UBE3D: variants seen among roughly 807,000 people sequenced by gnomAD.
The protein encoded by UBE3D is ubiquitin protein ligase E3D.
UBE3D carries 48 observed loss-of-function variants against 49.6 expected under a neutral mutation model. That is an observed-to-expected ratio of 0.97 (90% CI 0.77 to 1.23). The LOEUF is 1.23. UBE3D is among the 50% of genes most tolerant of loss of function. The probability of loss-of-function intolerance (pLI) is 0.00; values close to 1 mark genes in which losing one functional copy is unlikely to be tolerated. For synonymous variants in UBE3D, 189 were observed against 174.2 expected (o/e 1.08, Z -0.67); for missense variants, 452 against 468.4 (o/e 0.96, Z 0.32).
At chr6:82,909,068 G>A (rs1385222946) in intron 9 of UBE3D, among the ~76,000 whole-genome samples, 1 of 152,152 alleles carries the variant, frequency 6.6e-6, no homozygotes, top group Non-Finnish European at 1.5e-5. Context: ...TGTGCAGGTG[G>A]GTGAGGACTT....
chr6:82,969,233 G>C (rs1283419645), intron 8 of UBE3D, among the ~76,000 whole-genome samples: 1 of 143,952 alleles, frequency 6.9e-6, no homozygotes, highest in Non-Finnish European at 1.5e-5. Flanking sequence ...GGGTGGGGGT[G>C]GGGGTGGGGT....
At chr6:82,950,145 T>A (rs770245531) in intron 9 of UBE3D, among the ~76,000 whole-genome samples, 10 of 152,118 alleles carry the variant, frequency 6.6e-5, no homozygotes, top group African/African-American at 2.4e-4. Context: ...AGAATACATA[T>A]GGAGCTCAAA....
chr6:82,970,048 G>A (rs999260898), intron 8 of UBE3D, among the ~76,000 whole-genome samples: 2 of 148,788 alleles, frequency 1.3e-5, no homozygotes, highest in Non-Finnish European at 3.0e-5. Context: ...TTTACTCATA[G>A]TCATATAATA....
intron 5 of UBE3D, chr6:83,032,401 C>T: frequency 5.2e-6 from 2 of 385,774 alleles, no homozygotes; most frequent in Non-Finnish European, 5.2e-6. Context: ...CCTTTAGCCC[C>T]TTTGATTTGG....
intron 9 of UBE3D, among the ~76,000 whole-genome samples, chr6:82,949,784 A>G (rs779660263): frequency 2.0e-5 from 3 of 152,204 alleles, no homozygotes; most frequent in African/African-American, 4.8e-5. Context: ...TCTTCAATAA[A>G]TGGTTCTGAG....
intron 9 of UBE3D, among the ~76,000 whole-genome samples, chr6:82,954,093 G>A (rs1330486299): frequency 3.9e-5 from 6 of 152,202 alleles, no homozygotes; most frequent in Non-Finnish European, 8.8e-5. Flanking sequence ...AAGGGAGGCA[G>A]GGCCAAGATG....
chr6:82,989,127 G>A (rs966686677), intron 8 of UBE3D, among the ~76,000 whole-genome samples: 2 of 152,100 alleles, frequency 1.3e-5, no homozygotes, highest in African/African-American at 4.8e-5. Flanking sequence ...GACAAATACA[G>A]AGGAAGCAAG....
At chr6:83,047,810 C>T (rs1048892982) in intron 3 of UBE3D, among the ~76,000 whole-genome samples, 1 of 152,028 alleles carries the variant, frequency 6.6e-6, no homozygotes, top group Non-Finnish European at 1.5e-5. Flanking sequence ...AAGCCGGGCT[C>T]GGTGGCTCAT....
chr6:82,941,695 G>T (rs1289986417), intron 9 of UBE3D, among the ~76,000 whole-genome samples: 1 of 152,144 alleles, frequency 6.6e-6, no homozygotes. Flanking sequence ...GGATCATGGG[G>T]GCAGCTTCCC....
At chr6:82,990,241 A>C (rs1158727624) in intron 8 of UBE3D, among the ~76,000 whole-genome samples, 2 of 152,170 alleles carry the variant, frequency 1.3e-5, no homozygotes, top group African/African-American at 4.8e-5. Context: ...ACAGGAAAAA[A>C]TTAAACTGAA....
At chr6:82,944,947 G>T (rs1775293785) in intron 9 of UBE3D, among the ~76,000 whole-genome samples, 1 of 152,206 alleles carries the variant, frequency 6.6e-6, no homozygotes, top group Non-Finnish European at 1.5e-5. Flanking sequence ...AGCCACATTA[G>T]AATAGAATGC....
At chr6:82,915,454 A>T (rs1392117733) in intron 9 of UBE3D, among the ~76,000 whole-genome samples, 1 of 152,208 alleles carries the variant, frequency 6.6e-6, no homozygotes, top group Non-Finnish European at 1.5e-5. Flanking sequence ...GACTTCACAA[A>T]TAAGTACCAT....
chr6:82,998,988 C>T (rs1779431333), intron 8 of UBE3D, among the ~76,000 whole-genome samples: 1 of 152,124 alleles, frequency 6.6e-6, no homozygotes, highest in Non-Finnish European at 1.5e-5. Context: ...TGAACTATGC[C>T]TACCAAGTCC....
chr6:82,952,208 A>T (rs1775852598), intron 9 of UBE3D, among the ~76,000 whole-genome samples: 1 of 152,062 alleles, frequency 6.6e-6, no homozygotes, highest in Admixed American at 6.6e-5. Context: ...CTTGTACTTC[A>T]TGTTCCTCTA....
rs5877831 is a variant in UBE3D at position 82,983,155 on chromosome 6, G to GT, written c.1011-25706dup. On this transcript the variant is annotated intron_variant, in intron 8 of 9. Transcript: ENST00000369747. ...CATGAGCCATCATACCTGGCTGAAA[G>GT]TTTTTTTTTTTTTTTTTATCTTTTT... Among the ~76,000 whole-genome samples, 1,153 of 134,752 alleles carry GT rather than the reference G, an allele frequency of 8.6e-3. 11 individuals are homozygous for GT. The highest frequency in any genetic ancestry group is 0.028 in the African/African-American group (1,026 of 36,728). 88.4% of individuals were successfully genotyped at this position (134,752 alleles called of 152,430 possible).
At chr6:82,940,635 A>G (rs1448129302) in intron 9 of UBE3D, among the ~76,000 whole-genome samples, 3 of 152,138 alleles carry the variant, frequency 2.0e-5, no homozygotes, top group Middle Eastern at 3.2e-3. Context: ...CTTCATGACT[A>G]CATCTGCAGA....
intron 4 of UBE3D, among the ~76,000 whole-genome samples, chr6:83,042,736 T>C (rs370366627): frequency 2.0e-5 from 3 of 152,276 alleles, no homozygotes; most frequent in East Asian, 3.9e-4. Context: ...ATCAAAAAAA[T>C]GTTTCCCAAG....
At chr6:83,060,099 A>G (rs954831472) in intron 1 of UBE3D, among the ~76,000 whole-genome samples, 1 of 151,696 alleles carries the variant, frequency 6.6e-6, no homozygotes, top group African/African-American at 2.4e-5. Flanking sequence ...AAATCTAACT[A>G]CCTCCCAAAG....
chr6:82,969,227 GGGGGTGGGGGT>G (rs1777167600), intron 8 of UBE3D, among the ~76,000 whole-genome samples: 1 of 132,750 alleles, frequency 7.5e-6, no homozygotes, highest in African/African-American at 2.9e-5. Context: ...GGGCAGGGGT[GGGGGTGGGGGT>G]GGGGTGGGGT....
Sources: allele counts gnomAD v4.1 joint callset (sites outside exome capture counted in the v4.1 genomes callset), GRCh38; gene constraint gnomAD v4.1.1; transcripts MANE v1.5; gene names NCBI Gene and HGNC (gene_info 2026-07-23, HGNC 2026-07-21).